The following COL5A1 variants were observed in gnomAD, a reference collection of about 807,000 sequenced individuals.
COL5A1 encodes collagen alpha-1(V) chain.
COL5A1 carries 16 observed loss-of-function variants against 263.7 expected under a neutral mutation model. The observed-to-expected ratio is 0.06, with a 90% confidence interval of 0.04 to 0.09. COL5A1 has a LOEUF of 0.09. Among genes scored for constraint, COL5A1 ranks in the 10% least tolerant of loss-of-function variants. The probability of loss-of-function intolerance (pLI) is 1.00; values close to 1 mark genes in which losing one functional copy is unlikely to be tolerated. For missense variants in COL5A1, 2,036 were observed against 2,540.5 expected (o/e 0.80, Z 4.27); for synonymous variants, 1,012 against 1,004.5 (o/e 1.01, Z -0.14).
chr9:134,732,240 G>C, intron 9 of COL5A1, 113 bp downstream of exon 9: 1 of 1,083,104 alleles, frequency 9.2e-7, no homozygotes, highest in Non-Finnish European at 1.4e-6. Context: ...CGCGCACTGG[G>C]TCACTTCGAG....
chr9:134,817,383 A>G (rs1235570811), intron 53 of COL5A1, among the ~76,000 whole-genome samples: 2 of 152,238 alleles, frequency 1.3e-5, no homozygotes, highest in Admixed American at 1.3e-4. Context: ...TTTACTGAAA[A>G]GCCAGAACAA....
chr9:134,713,044 G>T (rs1252985645), intron 4 of COL5A1, among the ~76,000 whole-genome samples: 1 of 152,242 alleles, frequency 6.6e-6, no homozygotes, highest in African/African-American at 2.4e-5. Context: ...CAGAGCCCTG[G>T]CTGCCTGCCG....
At chr9:134,768,320 G>A in intron 24 of COL5A1, 90 bp from the exon 25 acceptor site, 1 of 1,177,924 alleles carries the variant, frequency 8.5e-7, no homozygotes. Flanking sequence ...TGTGTGGGCA[G>A]AAATGTTGAA....
chr9:134,830,999 C>T (rs1839595318), intron 64 of COL5A1, among the ~76,000 whole-genome samples: 2 of 152,194 alleles, frequency 1.3e-5, no homozygotes, highest in African/African-American at 4.8e-5. Flanking sequence ...TCATTTATGG[C>T]CCAGATTCTC....
rs1836043610 is a variant in COL5A1, at chr9:134,757,933, C to T, written c.1882-310C>T. On this transcript the variant is annotated intron_variant, in intron 17 of 65. Coordinates refer to ENST00000371817, the MANE Select transcript of COL5A1 (RefSeq NM_000093.5). This position sits in a 1 kb window ranked among gnomAD's most constrained non-coding sequence, Gnocchi z 6.2. Reference sequence around the variant, plus strand: ...GGGTGGGGGAGATCAGCAGCAGACACTCACACACACGGGAAACTGCAGCGG... The same window carrying T: ...GGGTGGGGGAGATCAGCAGCAGACATTCACACACACGGGAAACTGCAGCGG... Among the ~76,000 whole-genome samples the T allele has an allele frequency of 6.6e-6, 1 of 152,292 alleles. No homozygotes were observed. The highest frequency in any genetic ancestry group is 6.5e-5 in the Admixed American group (1 of 15,308).
At chr9:134,738,215 GT>G (rs1249388225) in intron 9 of COL5A1, among the ~76,000 whole-genome samples, 1 of 152,120 alleles carries the variant, frequency 6.6e-6, no homozygotes, top group Non-Finnish European at 1.5e-5. Flanking sequence ...GGTGCTTCTC[GT>G]GGCGCTGGTC....
chr9:134,771,244 G>A (rs895911158), intron 25 of COL5A1, among the ~76,000 whole-genome samples: 1 of 152,254 alleles, frequency 6.6e-6, no homozygotes, highest in Non-Finnish European at 1.5e-5. Flanking sequence ...GTCCTTCACA[G>A]AAAGGTGTCT....
chr9:134,718,341 G>A lies in COL5A1; in HGVS notation c.655-8925G>A, dbSNP rs551693002. Among the ~76,000 whole-genome samples, 48 of 152,352 alleles carry A rather than the reference G, an allele frequency of 3.2e-4. No homozygotes were observed. The East Asian group carries it at 4.2e-3, about 13-fold the overall frequency. On this transcript the variant is annotated intron_variant, in intron 4 of 65. Coordinates refer to ENST00000371817, the MANE Select transcript of COL5A1 (RefSeq NM_000093.5). ...CTGGCCTGGTGGCGGAAACTTCCAG[G>A]GCACTTTAATGACCTGGCAGGGGGC...
intron 1 of COL5A1, among the ~76,000 whole-genome samples, chr9:134,644,196 G>A (rs1831394943): frequency 6.9e-6 from 1 of 145,594 alleles, no homozygotes; most frequent in Non-Finnish European, 1.5e-5. Context: ...GGAGATGCAG[G>A]CGCTGGGGGG....
chr9:134,773,748 A>G (rs1216030344), intron 26 of COL5A1, among the ~76,000 whole-genome samples: 2 of 152,034 alleles, frequency 1.3e-5, no homozygotes, highest in East Asian at 2.0e-4. Flanking sequence ...CCTCACAGGG[A>G]GTTCAATTTC....
intron 4 of COL5A1, among the ~76,000 whole-genome samples, chr9:134,721,490 C>A (rs1358865094): frequency 1.3e-5 from 2 of 152,168 alleles, no homozygotes; most frequent in Admixed American, 6.5e-5. Flanking sequence ...AACCCACAGC[C>A]CCGAGGGCAG....
At position 134,642,236 on chromosome 9, in the gene COL5A1, GCCCCGCTGCTGC is replaced by G. The variant is rs1444295577; in HGVS notation, c.62_73del (p.Pro21_Leu24del). 3.9e-6 allele frequency: 5 copies of G among 1,293,666 alleles called. No individual in the cohort carries two copies. The highest frequency in any genetic ancestry group is 1.5e-5 in the African/African-American group (1 of 64,618). The allele number at this position is 1,293,666 out of a possible 1,614,324, so 80.1% of individuals were successfully genotyped here. A position where few individuals can be genotyped will look rare whatever the true frequency, so the allele number is the denominator to read the frequency against. On this transcript the variant is annotated inframe_deletion, in exon 1 of 66. Coordinates refer to ENST00000371817, the MANE Select transcript of COL5A1 (RefSeq NM_000093.5). This position sits in a 1 kb window ranked among gnomAD's most constrained non-coding sequence, Gnocchi z 4.5. ...AGCGCGCAGCGCGCTCCGCCCGGGC[GCCCCGCTGCTGC>G]CCCCGCTGCTGCTGCTGCTGCTGTG... is the stretch of plus-strand genomic sequence containing the variant.
chr9:134,817,919 G>C lies in COL5A1; in HGVS notation c.4230+88G>C, dbSNP rs139531918. 22 of 1,350,824 alleles carry C rather than the reference G, an allele frequency of 1.6e-5. No homozygotes were observed. In the African/African-American group the frequency reaches 2.9e-4, roughly 18 times the overall value. The allele number at this position is 1,350,824 out of a possible 1,614,324, so 83.7% of individuals were successfully genotyped here. A position where few individuals can be genotyped will look rare whatever the true frequency, so the allele number is the denominator to read the frequency against. ...GGGAGTGGACAAGCGTGTGGGCAGA[G>C]ATGTCCATGGAGGCTGAGAGTGGCT... is the stretch of plus-strand genomic sequence containing the variant. On this transcript the variant is annotated intron_variant, in intron 54 of 65. Transcript: ENST00000371817.
At chr9:134,684,406 G>A (rs897583175) in intron 1 of COL5A1, among the ~76,000 whole-genome samples, 3 of 152,236 alleles carry the variant, frequency 2.0e-5, no homozygotes, top group African/African-American at 7.2e-5. Flanking sequence ...CTGGCTGCCA[G>A]CATTCATCCT....
At chr9:134,804,287 T>C (rs1236063337) in intron 39 of COL5A1, among the ~76,000 whole-genome samples, 17 of 152,220 alleles carry the variant, frequency 1.1e-4, no homozygotes, top group Non-Finnish European at 1.5e-5. Context: ...AACAGCACTG[T>C]GCTCCATGTT....
chr9:134,735,483 G>A (rs1835065286), intron 9 of COL5A1, among the ~76,000 whole-genome samples: 1 of 152,114 alleles, frequency 6.6e-6, no homozygotes. Context: ...GTGGGCCGGG[G>A]CGGGAGCGGG....
intron 11 of COL5A1, among the ~76,000 whole-genome samples, chr9:134,746,030 A>T (rs1263613430): frequency 6.6e-6 from 1 of 152,028 alleles, no homozygotes; most frequent in Non-Finnish European, 1.5e-5. Context: ...TCATCTCAAG[A>T]TCCTCACTCC....
chr9:134,705,371 G>T (rs570712033), intron 4 of COL5A1, among the ~76,000 whole-genome samples: 1 of 152,230 alleles, frequency 6.6e-6, no homozygotes, highest in Non-Finnish European at 1.5e-5. Flanking sequence ...AGCCCCCTGC[G>T]CCTGCAGACC....
intron 11 of COL5A1, among the ~76,000 whole-genome samples, chr9:134,743,735 C>T (rs529646886): frequency 6.6e-6 from 1 of 152,324 alleles, no homozygotes; most frequent in South Asian, 2.1e-4. Flanking sequence ...TCTTATCAGC[C>T]CCTCCTGTCA....
Sources: gnomAD v4.1 joint callset for allele counts (sites outside exome capture counted in the v4.1 genomes callset) on GRCh38, gnomAD v4.1.1 for gene constraint, Gnocchi (gnomAD v3.1) non-coding constraint, MANE v1.5 for transcripts, NCBI Gene and HGNC (gene_info 2026-07-23, HGNC 2026-07-21) for gene names.